Variants in FGD4 observed in about 807,000 individuals in gnomAD.
FGD4 encodes the protein FYVE, RhoGEF and PH domain containing 4, also known as FYVE, RhoGEF and PH domain-containing protein 4.
Under a neutral mutation model 102.0 loss-of-function variants are expected in FGD4, and 42 were observed. The ratio of observed to expected loss-of-function variants is 0.41; its 90% confidence interval spans 0.32 to 0.53. FGD4 has a LOEUF of 0.53. FGD4 is among the 20% of genes least tolerant of loss of function. The pLI, the probability that FGD4 is intolerant of heterozygous loss-of-function variation, is 0.21. For synonymous variants in FGD4, 380 were observed against 375.7 expected (o/e 1.01, Z -0.13); for missense variants, 902 against 1,078.2 (o/e 0.84, Z 2.29).
chr12:32,608,939 C>G (rs896295394), intron 8 of FGD4, among the ~76,000 whole-genome samples: 3 of 152,158 alleles, frequency 2.0e-5, no homozygotes, highest in Admixed American at 2.0e-4. Flanking sequence ...TATTTTGACA[C>G]AGAGTCACAC....
intron 1 of FGD4, among the ~76,000 whole-genome samples, chr12:32,405,079 G>A (rs1281337476): frequency 4.8e-5 from 7 of 147,236 alleles, no homozygotes; most frequent in Non-Finnish European, 1.0e-4. Context: ...GACTACAATC[G>A]CCTGCCACCA....
intron 1 of FGD4, among the ~76,000 whole-genome samples, chr12:32,421,293 G>A (rs941667633): frequency 1.3e-5 from 2 of 152,284 alleles, no homozygotes; most frequent in East Asian, 1.9e-4. Context: ...TCATATACTC[G>A]CATCAGCAAT....
At chr12:32,502,988 G>A (rs539298695) in intron 1 of FGD4, among the ~76,000 whole-genome samples, 5 of 152,294 alleles carry the variant, frequency 3.3e-5, no homozygotes, top group Non-Finnish European at 4.4e-5. Context: ...CCCTTAAAAT[G>A]TGTGTTGCAT....
intron 15 of FGD4, among the ~76,000 whole-genome samples, chr12:32,636,011 CTAATAATAATAA>C (rs147444731): frequency 4.2e-4 from 62 of 146,790 alleles, no homozygotes; most frequent in African/African-American, 1.5e-3. Context: ...GACTCTGTCT[CTAATAATAATAA>C]TAATAATAAT....
intron 1 of FGD4, among the ~76,000 whole-genome samples, chr12:32,541,024 G>A (rs1185144284): frequency 6.6e-6 from 1 of 152,154 alleles, no homozygotes; most frequent in Non-Finnish European, 1.5e-5. Context: ...AATTGTATTA[G>A]ATGTAGCCAA....
intron 1 of FGD4, among the ~76,000 whole-genome samples, chr12:32,549,044 C>G (rs1249787177): frequency 6.6e-6 from 1 of 152,324 alleles, no homozygotes; most frequent in East Asian, 1.9e-4. Context: ...TATACTAGCT[C>G]TATGGGATGT....
chr12:32,624,296 T>C (rs1281832287), intron 11 of FGD4, 126 bp from the exon 12 acceptor site: 1 of 736,614 alleles, frequency 1.4e-6, no homozygotes, highest in African/African-American at 1.8e-5. Context: ...TTAATTTTTG[T>C]TATAATTCCT....
At chr12:32,514,551 TC>T (rs1939703289) in intron 1 of FGD4, among the ~76,000 whole-genome samples, 1 of 151,986 alleles carries the variant, frequency 6.6e-6, no homozygotes, top group South Asian at 2.1e-4. Flanking sequence ...TCACTCTGTC[TC>T]CCAGGCTGGA....
At chr12:32,508,308 T>C (rs1938998268) in intron 1 of FGD4, among the ~76,000 whole-genome samples, 1 of 152,212 alleles carries the variant, frequency 6.6e-6, no homozygotes, top group African/African-American at 2.4e-5. Context: ...TTTGAATAGT[T>C]TTAAAACATT....
intron 1 of FGD4, among the ~76,000 whole-genome samples, chr12:32,410,377 G>A (rs1480497294): frequency 1.3e-5 from 2 of 152,012 alleles, no homozygotes; most frequent in African/African-American, 4.8e-5. Flanking sequence ...TACTCAGGAG[G>A]GTGAGGTGGG....
At chr12:32,474,563 G>A (rs1260250155) in intron 1 of FGD4, among the ~76,000 whole-genome samples, 1 of 152,146 alleles carries the variant, frequency 6.6e-6, no homozygotes, top group Non-Finnish European at 1.5e-5. Flanking sequence ...AAAGATTAGC[G>A]TTGCTTAGGC....
Position 32,641,567 on chromosome 12 carries a change from G to A in FGD4, c.*1034G>A, listed in dbSNP as rs1379754670. The A allele has an allele frequency of 6.6e-6, 1 of 152,182 alleles. No individual in the cohort carries two copies. The highest frequency in any genetic ancestry group is 1.9e-4 in the East Asian group (1 of 5,200). 9.4% of individuals were successfully genotyped at this position (152,182 alleles called of 1,614,324 possible). On this transcript the variant is annotated 3_prime_UTR_variant, in exon 17 of 17. Coordinates refer to ENST00000534526, the MANE Select transcript of FGD4 (RefSeq NM_001370298.3). ...TTACAATCCTATAATTATTGCAGTA[G>A]TTAACATCAGCATGTACAAACATTT... is the stretch of plus-strand genomic sequence containing the variant.
chr12:32,560,534 G>A (rs1456579758), intron 1 of FGD4, among the ~76,000 whole-genome samples: 1 of 152,160 alleles, frequency 6.6e-6, no homozygotes, highest in Non-Finnish European at 1.5e-5. Flanking sequence ...GAGATTACGT[G>A]AGCCACTGCA....
chr12:32,435,498 A>AGTGT lies in FGD4; in HGVS notation c.166+35556_166+35559dup, dbSNP rs3076971. 8.1e-4 allele frequency among the ~76,000 whole-genome samples: 122 copies of AGTGT among 149,714 alleles called. 1 individual carries two copies. In the East Asian group the frequency reaches 0.014, roughly 17 times the overall value. ...AATAAATGCTAGCTACAATTAAAAA[A>AGTGT]GTGTGTGTGTGTGTGTGTGTTTTAA... On this transcript the variant is annotated intron_variant, in intron 1 of 16. Coordinates refer to ENST00000534526, the MANE Select transcript of FGD4 (RefSeq NM_001370298.3).
intron 1 of FGD4, among the ~76,000 whole-genome samples, chr12:32,497,199 CT>C (rs1937874707): frequency 6.6e-6 from 1 of 152,084 alleles, no homozygotes; most frequent in Admixed American, 6.5e-5. Flanking sequence ...TGATGGGCCA[CT>C]AAAAAAGTTT....
intron 1 of FGD4, among the ~76,000 whole-genome samples, chr12:32,515,386 A>G: frequency 6.6e-6 from 1 of 152,200 alleles, no homozygotes; most frequent in Non-Finnish European, 1.5e-5. Context: ...GTGCTCCCAG[A>G]TGATTGCACA....
chr12:32,491,155 A>AAAAC (rs1944081978), intron 1 of FGD4, among the ~76,000 whole-genome samples: 1 of 151,656 alleles, frequency 6.6e-6, no homozygotes. Context: ...AAAAAACAAA[A>AAAAC]AACTATAAAA....
At chr12:32,577,036 T>C (rs1946182188) in intron 3 of FGD4, among the ~76,000 whole-genome samples, 1 of 152,206 alleles carries the variant, frequency 6.6e-6, no homozygotes, top group African/African-American at 2.4e-5. Context: ...ATTTCAGTTT[T>C]GTATTTATTA....
At chr12:32,451,226 T>G (rs1942765773) in intron 1 of FGD4, among the ~76,000 whole-genome samples, 1 of 152,230 alleles carries the variant, frequency 6.6e-6, no homozygotes, top group South Asian at 2.1e-4. Flanking sequence ...GTGATGAATA[T>G]ATTTACCTGT....
Sources: gnomAD v4.1 joint callset for allele counts (sites outside exome capture counted in the v4.1 genomes callset) on GRCh38, gnomAD v4.1.1 for gene constraint, MANE v1.5 for transcripts, NCBI Gene and HGNC (gene_info 2026-07-23, HGNC 2026-07-21) for gene names.